Variants in GABRG3 observed in about 807,000 individuals in gnomAD.
The protein encoded by GABRG3 is gamma-aminobutyric acid receptor subunit gamma-3.
GABRG3 carries 25 observed loss-of-function variants against 48.8 expected under a neutral mutation model. The ratio of observed to expected loss-of-function variants is 0.51; its 90% CI spans 0.37 to 0.72. The LOEUF (loss-of-function observed/expected upper bound fraction) is 0.72, where lower values mean the gene tolerates loss of function less well. GABRG3 is among the 30% of genes least tolerant of loss of function. GABRG3 has a pLI of 0.00. For missense variants in GABRG3, 394 were observed against 577.9 expected (o/e 0.68, Z 3.26); for synonymous variants, 227 against 217.6 (o/e 1.04, Z -0.38).
At chr15:26,997,444 A>G (rs1320647891) in intron 2 of GABRG3, among the ~76,000 whole-genome samples, 1 of 152,228 alleles carries the variant, frequency 6.6e-6, no homozygotes, top group Non-Finnish European at 1.5e-5. Flanking sequence ...GAAAAAATAT[A>G]TAACAACTCT....
At chr15:27,491,261 A>C (rs981262407) in intron 6 of GABRG3, among the ~76,000 whole-genome samples, 1 of 152,136 alleles carries the variant, frequency 6.6e-6, no homozygotes, top group Non-Finnish European at 1.5e-5. Flanking sequence ...CCCTTCCCAG[A>C]GGGTATCCAA....
rs1242481987 is a variant in GABRG3 at position 27,500,975 on chromosome 15, CG to C, written c.713-18995del. Among the ~76,000 whole-genome samples the C allele has an allele frequency of 3.4e-3, 353 of 102,920 alleles. 4 individuals are homozygous for C. The highest frequency in any genetic ancestry group is 0.033 in the Admixed American group (302 of 9,086). 67.5% of individuals were successfully genotyped at this position (102,920 alleles called of 152,430 possible). The stretch of plus-strand genomic sequence containing the variant: ...ATGTTTTTTTTTTTTTTTTTTGAGA[CG>C]GAGTCTCACTCTGTCCCCAGGCTGG... On this transcript the variant is annotated intron_variant, in intron 6 of 9. Transcript: ENST00000615808.
intron 3 of GABRG3, among the ~76,000 whole-genome samples, chr15:27,112,638 C>T (rs1445798570): frequency 6.6e-6 from 1 of 152,050 alleles, no homozygotes; most frequent in East Asian, 1.9e-4. Context: ...TGGGGTTTCA[C>T]CATGTTGGCC....
At chr15:27,387,156 A>T (rs1435528508) in intron 5 of GABRG3, among the ~76,000 whole-genome samples, 1 of 151,896 alleles carries the variant, frequency 6.6e-6, no homozygotes, top group African/African-American at 2.4e-5. Context: ...TACAAACCTT[A>T]TTTGAGCACT....
intron 5 of GABRG3, among the ~76,000 whole-genome samples, chr15:27,402,980 C>T (rs1887518152): frequency 6.6e-6 from 1 of 151,974 alleles, no homozygotes; most frequent in African/African-American, 2.4e-5. Flanking sequence ...GTCTTGTGGT[C>T]CGGCCTATTT....
At chr15:27,434,487 T>A (rs992541143) in intron 5 of GABRG3, among the ~76,000 whole-genome samples, 3 of 152,128 alleles carry the variant, frequency 2.0e-5, no homozygotes, top group African/African-American at 7.2e-5. Context: ...AAACATTTCA[T>A]ATTTTACATA....
At chr15:27,464,714 G>A (rs1213075476) in intron 5 of GABRG3, among the ~76,000 whole-genome samples, 2 of 152,124 alleles carry the variant, frequency 1.3e-5, no homozygotes, top group African/African-American at 4.8e-5. Context: ...GACTAATGAT[G>A]CTAAACATCT....
chr15:27,361,050 A>T (rs77078961), intron 5 of GABRG3, among the ~76,000 whole-genome samples: 1 of 152,208 alleles, frequency 6.6e-6, no homozygotes, highest in African/African-American at 2.4e-5. Flanking sequence ...AGACACAGTC[A>T]GCTGTGACCA....
At chr15:27,429,797 G>A (rs531762261) in intron 5 of GABRG3, among the ~76,000 whole-genome samples, 71 of 152,324 alleles carry the variant, frequency 4.7e-4, no homozygotes, top group Admixed American at 9.2e-4. Context: ...ATACCACAAT[G>A]TGATTAGCCA....
chr15:27,413,318 C>CA, intron 5 of GABRG3, among the ~76,000 whole-genome samples: 1 of 151,930 alleles, frequency 6.6e-6, no homozygotes, highest in East Asian at 1.9e-4. Flanking sequence ...TTATTTAAGG[C>CA]AAAAAATGTA....
At chr15:27,330,185 A>T (rs1893757486) in intron 5 of GABRG3, among the ~76,000 whole-genome samples, 2 of 152,218 alleles carry the variant, frequency 1.3e-5, no homozygotes, top group African/African-American at 4.8e-5. Flanking sequence ...GGTTGCAGTG[A>T]GTTGAGATCG....
chr15:27,424,288 C>T (rs1020679274), intron 5 of GABRG3, among the ~76,000 whole-genome samples: 8 of 152,190 alleles, frequency 5.3e-5, no homozygotes, highest in Middle Eastern at 3.4e-3. Context: ...ACAAAATACC[C>T]AAGACTGGGT....
intron 2 of GABRG3, among the ~76,000 whole-genome samples, chr15:26,990,764 T>C (rs1895231990): frequency 6.6e-6 from 1 of 151,998 alleles, no homozygotes; most frequent in Non-Finnish European, 1.5e-5. Flanking sequence ...AGTAGTTCCA[T>C]ATTTTAAGGT....
intron 6 of GABRG3, among the ~76,000 whole-genome samples, chr15:27,516,892 G>A (rs1234305669): frequency 6.6e-6 from 1 of 152,236 alleles, no homozygotes; most frequent in African/African-American, 2.4e-5. Context: ...AATAAAACAA[G>A]TATTTGGGAT....
At chr15:27,205,224 T>C (rs1888814566) in intron 3 of GABRG3, among the ~76,000 whole-genome samples, 1 of 152,112 alleles carries the variant, frequency 6.6e-6, no homozygotes, top group Non-Finnish European at 1.5e-5. Flanking sequence ...TTTTGAGATA[T>C]GTTCCTTCAA....
intron 3 of GABRG3, among the ~76,000 whole-genome samples, chr15:27,156,346 T>G (rs958293997): frequency 6.6e-6 from 1 of 151,654 alleles, no homozygotes; most frequent in African/African-American, 2.4e-5. Flanking sequence ...TATTCTGTCT[T>G]GTTAGGATGC....
chr15:27,500,952 GTT>G (rs61305255), intron 6 of GABRG3, among the ~76,000 whole-genome samples: 3 of 122,140 alleles, frequency 2.5e-5, no homozygotes, highest in Non-Finnish European at 4.9e-5. Flanking sequence ...AGTAACGTAT[GTT>G]TTTTTTTTTT....
intron 5 of GABRG3, among the ~76,000 whole-genome samples, chr15:27,475,895 G>A (rs1889927437): frequency 6.6e-6 from 1 of 152,106 alleles, no homozygotes; most frequent in Non-Finnish European, 1.5e-5. Flanking sequence ...TAGTGATGTG[G>A]TGGTGGTGAC....
Position 27,488,614 on chromosome 15 carries a change from A to G in GABRG3, c.712+7827A>G, listed in dbSNP as rs561732595. 2.0e-5 allele frequency among the ~76,000 whole-genome samples: 3 copies of G among 152,334 alleles called. No individual in the cohort carries two copies. In the South Asian group the frequency reaches 6.2e-4, roughly 32 times the overall value. ...TTTCCCAATGAATCCACCTGTTGGTATCCCAGGGAGCTAGCAAAATAATTA... is the reference window on the plus strand; with the variant it reads ...TTTCCCAATGAATCCACCTGTTGGTGTCCCAGGGAGCTAGCAAAATAATTA... On this transcript the variant is annotated intron_variant, in intron 6 of 9. Coordinates refer to ENST00000615808, the MANE Select transcript of GABRG3 (RefSeq NM_033223.5).
Sources: gnomAD v4.1 joint callset for allele counts (sites outside exome capture counted in the v4.1 genomes callset) on GRCh38, gnomAD v4.1.1 for gene constraint, MANE v1.5 for transcripts, NCBI Gene and HGNC (gene_info 2026-07-23, HGNC 2026-07-21) for gene names.